The following PEAK1 variants were observed in gnomAD, a reference collection of about 807,000 sequenced individuals.
The protein encoded by PEAK1 is inactive tyrosine-protein kinase PEAK1.
PEAK1 carries 54 observed loss-of-function variants against 124.7 expected under a neutral mutation model. That is an observed-to-expected ratio of 0.43 (90% confidence interval 0.35 to 0.54). PEAK1 has a LOEUF of 0.54. Among genes scored for constraint, PEAK1 ranks in the 20% least tolerant of loss-of-function variants. PEAK1 has a pLI of 0.01. For synonymous variants in PEAK1, 719 were observed against 760.0 expected (o/e 0.95, Z 0.89); for missense variants, 2,046 against 2,134.5 (o/e 0.96, Z 0.82).
Position 77,416,832 on chromosome 15 carries a change from C to T in PEAK1, c.-666+3174G>A, listed in dbSNP as rs190909127. On this transcript the variant is annotated intron_variant, in intron 1 of 9. Transcript: ENST00000682557. ...ATGGAAATGTCATATTTCAATATTA[C>T]TTTTTATACTGAATGCATGTTGAAA... 5.2e-3 allele frequency among the ~76,000 whole-genome samples: 793 copies of T among 152,260 alleles called. 2 individuals are homozygous for T. Among genetic ancestry groups the T allele is most frequent in the Middle Eastern group, 0.014 (4 of 294 alleles).
chr15:77,407,976 C>CACATAT (rs1249261249), intron 1 of PEAK1, among the ~76,000 whole-genome samples: 12 of 149,856 alleles, frequency 8.0e-5, no homozygotes, highest in Admixed American at 6.7e-4. Flanking sequence ...CATATATACA[C>CACATAT]ACATATACAT....
At chr15:77,303,810 C>A (rs2063916260) in intron 2 of PEAK1, among the ~76,000 whole-genome samples, 1 of 151,968 alleles carries the variant, frequency 6.6e-6, no homozygotes. Context: ...AATCTTTTAC[C>A]AAACCCAGTA....
At chr15:77,287,571 T>A (rs983788738) in intron 2 of PEAK1, among the ~76,000 whole-genome samples, 3 of 152,144 alleles carry the variant, frequency 2.0e-5, no homozygotes, top group Non-Finnish European at 4.4e-5. Context: ...TGGGTTCCTC[T>A]TTTTCCCTTT....
chr15:77,243,936 C>T (rs1042816940), intron 6 of PEAK1, among the ~76,000 whole-genome samples: 2 of 150,418 alleles, frequency 1.3e-5, no homozygotes, highest in Non-Finnish European at 3.0e-5. Flanking sequence ...CCATTGCGCT[C>T]CAGCCTGGGC....
At chr15:77,344,613 T>C (rs2066754795) in intron 2 of PEAK1, among the ~76,000 whole-genome samples, 1 of 152,246 alleles carries the variant, frequency 6.6e-6, no homozygotes. Context: ...CATTGGGATT[T>C]TGATAGGGAT....
chr15:77,406,908 A>G (rs1410274838), intron 1 of PEAK1, among the ~76,000 whole-genome samples: 1 of 152,246 alleles, frequency 6.6e-6, no homozygotes, highest in Non-Finnish European at 1.5e-5. Flanking sequence ...ACAGCCTGGT[A>G]CTGGTGTAAA....
intron 5 of PEAK1, among the ~76,000 whole-genome samples, chr15:77,261,569 A>T (rs1026339554): frequency 2.0e-5 from 3 of 150,528 alleles, no homozygotes; most frequent in East Asian, 3.9e-4. Flanking sequence ...AAAAAAGAAT[A>T]AAAAAAAAGA....
intron 4 of PEAK1, among the ~76,000 whole-genome samples, chr15:77,284,652 G>A (rs17383900): frequency 0.012 from 1,796 of 152,214 alleles, 18 homozygotes; most frequent in Non-Finnish European, 0.019. Flanking sequence ...TTGGTGAGGC[G>A]ATTTAACTGC....
intron 2 of PEAK1, among the ~76,000 whole-genome samples, chr15:77,315,057 C>T (rs556505373): frequency 1.3e-5 from 2 of 152,022 alleles, no homozygotes; most frequent in South Asian, 2.1e-4. Flanking sequence ...AAATAAAAAT[C>T]GAAATAATTT....
chr15:77,370,583 CAG>C (rs752175567), intron 1 of PEAK1: 63 of 489,544 alleles, frequency 1.3e-4, no homozygotes, highest in Non-Finnish European at 1.6e-4. Flanking sequence ...AGTGATGACA[CAG>C]AGAATGCCCT....
At chr15:77,390,435 G>T (rs866116717) in intron 1 of PEAK1, among the ~76,000 whole-genome samples, 22 of 152,172 alleles carry the variant, frequency 1.4e-4, no homozygotes, top group Middle Eastern at 3.2e-3. Flanking sequence ...CTGACACATG[G>T]TGATGGATGA....
At chr15:77,195,088 A>AT (rs1055337648) in intron 6 of PEAK1, among the ~76,000 whole-genome samples, 17 of 152,058 alleles carry the variant, frequency 1.1e-4, no homozygotes, top group Admixed American at 3.3e-4. Context: ...TTATAAAATA[A>AT]TTACTCTTTA....
intron 6 of PEAK1, among the ~76,000 whole-genome samples, chr15:77,192,772 A>G (rs1274928842): frequency 6.6e-6 from 1 of 152,214 alleles, no homozygotes; most frequent in Non-Finnish European, 1.5e-5. Context: ...GCCATTGCTA[A>G]TAAGATTTGT....
intron 5 of PEAK1, among the ~76,000 whole-genome samples, chr15:77,262,385 C>G (rs943457598): frequency 6.6e-6 from 1 of 151,882 alleles, no homozygotes; most frequent in South Asian, 2.1e-4. Context: ...CAGAGACACA[C>G]GTAGGCTCAA....
At chr15:77,125,687 G>C (rs563947579) in intron 9 of PEAK1, among the ~76,000 whole-genome samples, 1 of 152,326 alleles carries the variant, frequency 6.6e-6, no homozygotes, top group Admixed American at 6.5e-5. Context: ...AGGTCTGTCT[G>C]ACTTAAAAGC....
intron 5 of PEAK1, among the ~76,000 whole-genome samples, chr15:77,273,040 A>C (rs1332923014): frequency 6.6e-6 from 1 of 152,184 alleles, no homozygotes; most frequent in Non-Finnish European, 1.5e-5. Flanking sequence ...TTGCACAAAA[A>C]GCGTTTGACA....
chr15:77,113,047 G>C lies in PEAK1; in HGVS notation c.*1109C>G, dbSNP rs1452317904. 1 of 152,310 alleles carries C rather than the reference G, an allele frequency of 6.6e-6. No homozygotes were observed. Among genetic ancestry groups the C allele is most frequent in the Non-Finnish European group, 1.5e-5 (1 of 68,136 alleles). 9.4% of individuals were successfully genotyped at this position (152,310 alleles called of 1,614,324 possible). ...TGAGGAGGTCAGCAGTCTCATCAGTGGCCTTCTTCCTCTCCCCTGCCTACG... is the reference window on the plus strand; with the variant it reads ...TGAGGAGGTCAGCAGTCTCATCAGTCGCCTTCTTCCTCTCCCCTGCCTACG... On this transcript the variant is annotated 3_prime_UTR_variant, in exon 10 of 10. Transcript: ENST00000682557.
intron 1 of PEAK1, among the ~76,000 whole-genome samples, chr15:77,405,496 G>C (rs577675170): frequency 2.0e-5 from 3 of 152,194 alleles, no homozygotes; most frequent in African/African-American, 7.2e-5. Context: ...ATTTTTAAAA[G>C]ATGTGTGGTA....
At chr15:77,395,340 T>C (rs35490414) in intron 1 of PEAK1, among the ~76,000 whole-genome samples, 41,340 of 152,054 alleles carry the variant, frequency 0.27, 6,643 homozygotes, top group Middle Eastern at 0.37. Context: ...CCAAGAGTTA[T>C]TGCGCTTAAA....
Sources: allele counts gnomAD v4.1 joint callset (sites outside exome capture counted in the v4.1 genomes callset), GRCh38; gene constraint gnomAD v4.1.1; transcripts MANE v1.5; gene names NCBI Gene and HGNC (gene_info 2026-07-23, HGNC 2026-07-21).